Variants in FKBP1A observed in about 807,000 individuals in gnomAD.
The protein encoded by FKBP1A is peptidyl-prolyl cis-trans isomerase FKBP1A.
A neutral mutation model predicts 14.2 loss-of-function variants in FKBP1A; 5 were observed. That is an observed-to-expected ratio of 0.35 (90% CI 0.18 to 0.74). The LOEUF is 0.74. Among genes scored for constraint, FKBP1A ranks in the 30% least tolerant of loss-of-function variants. The pLI is 0.56. For missense variants in FKBP1A, 53 were observed against 138.8 expected (o/e 0.38, Z 3.10); for synonymous variants, 42 against 49.1 (o/e 0.86, Z 0.60).
chr20:1,372,021 A>G (rs761318984), intron 4 of FKBP1A, 55 bp downstream of exon 4: 7 of 1,571,650 alleles, frequency 4.5e-6, no homozygotes, highest in East Asian at 2.2e-5. Context: ...AACGCTGGGC[A>G]TAACATGGGA....
intron 2 of FKBP1A, chr20:1,378,768 AC>A (rs2089583402): frequency 6.6e-6 from 1 of 152,218 alleles, no homozygotes; most frequent in Non-Finnish European, 1.5e-5. Context: ...AGCCAAATGA[AC>A]ACAACTGGCG....
chr20:1,390,777 TCGAAAACAG>T (rs2089726662), intron 2 of FKBP1A, among the ~76,000 whole-genome samples: 1 of 152,178 alleles, frequency 6.6e-6, no homozygotes, highest in East Asian at 1.9e-4. Context: ...ACCAGCCTGC[TCGAAAACAG>T]TCTATTCTGT....
rs2089596829 is a variant in FKBP1A, at chr20:1,379,830, G to A, written c.86-4227C>T. On this transcript the variant is annotated intron_variant, in intron 2 of 4. Coordinates refer to ENST00000400137, the MANE Select transcript of FKBP1A (RefSeq NM_000801.5). This position sits in a 1 kb window ranked among gnomAD's most constrained non-coding sequence, Gnocchi z 4.3. ...AGTGGGTGTCACACAACTGGCACAA[G>A]CTACAGGACAAGGAGAAGGAGGGCT... 6.6e-6 allele frequency among the ~76,000 whole-genome samples: 1 copy of A among 152,198 alleles called. No individual in the cohort carries two copies. The highest frequency in any genetic ancestry group is 6.5e-5 in the Admixed American group (1 of 15,284).
intron 3 of FKBP1A, among the ~76,000 whole-genome samples, chr20:1,374,889 C>T (rs1418405995): frequency 2.6e-5 from 4 of 152,194 alleles, no homozygotes; most frequent in East Asian, 1.9e-4. Flanking sequence ...CAGGCTGGAG[C>T]GCAATGGCAC....
chr20:1,391,534 T>C (rs1261903730), intron 2 of FKBP1A: 1 of 396,528 alleles, frequency 2.5e-6, no homozygotes, highest in Non-Finnish European at 4.4e-6. Flanking sequence ...TTCTACCTCC[T>C]GCCCCCATTT....
intron 2 of FKBP1A, among the ~76,000 whole-genome samples, chr20:1,389,434 G>A (rs2089707419): frequency 6.6e-6 from 1 of 152,150 alleles, no homozygotes; most frequent in African/African-American, 2.4e-5. Context: ...ACCTAGCAAG[G>A]GAGTGGATGG....
At chr20:1,376,361 A>G (rs951314368) in intron 2 of FKBP1A, among the ~76,000 whole-genome samples, 2 of 152,232 alleles carry the variant, frequency 1.3e-5, no homozygotes, top group African/African-American at 4.8e-5. Context: ...GAAATGAAAG[A>G]AAGAATTTGT....
intron 2 of FKBP1A, among the ~76,000 whole-genome samples, chr20:1,391,401 G>GCT (rs1355224101): frequency 6.6e-6 from 1 of 152,212 alleles, no homozygotes; most frequent in African/African-American, 2.4e-5. Flanking sequence ...TACAAGGACA[G>GCT]CTATCTAAAA....
chr20:1,371,759 A>G, intron 4 of FKBP1A: 1 of 1,031,324 alleles, frequency 9.7e-7, no homozygotes, highest in South Asian at 4.3e-5. Context: ...AAATGTTGGC[A>G]CTACAAATTT....
In FKBP1A at chr20:1,379,487, T is replaced by G. The variant is rs1436567329; in HGVS notation, c.86-3884A>C. Among the ~76,000 whole-genome samples the G allele has an allele frequency of 6.6e-6, 1 of 152,174 alleles. No individual in the cohort carries two copies. The highest frequency in any genetic ancestry group is 1.5e-5 in the Non-Finnish European group (1 of 68,024). On this transcript the variant is annotated intron_variant, in intron 2 of 4. Coordinates refer to ENST00000400137, the MANE Select transcript of FKBP1A (RefSeq NM_000801.5). The surrounding 1 kb of genome is among the most constrained non-coding windows in gnomAD (Gnocchi z 4.3). Reference sequence around the variant, plus strand: ...AGGGGCAAACCTCTCCCTAGTATCTTAAAACCATAAAAGCCAGGAAGCAGG... The same window carrying G: ...AGGGGCAAACCTCTCCCTAGTATCTGAAAACCATAAAAGCCAGGAAGCAGG...
intron 3 of FKBP1A, among the ~76,000 whole-genome samples, chr20:1,374,178 A>T (rs550743799): frequency 6.6e-6 from 1 of 152,216 alleles, no homozygotes; most frequent in Non-Finnish European, 1.5e-5. Context: ...CTTGGGTCTC[A>T]GGTCACTGAA....
chr20:1,370,611 T>C (rs1317004318), intron 4 of FKBP1A: 1 of 985,316 alleles, frequency 1.0e-6, no homozygotes, highest in Non-Finnish European at 1.2e-6. Flanking sequence ...TTCACTCAAC[T>C]TAAAACTTTC....
intron 2 of FKBP1A, chr20:1,377,419 G>A (rs2089560339): frequency 6.6e-6 from 1 of 152,264 alleles, no homozygotes; most frequent in Non-Finnish European, 1.5e-5. Context: ...CAGGAGGGTG[G>A]GGACCGGTAC....
intron 2 of FKBP1A, among the ~76,000 whole-genome samples, chr20:1,389,079 GA>G (rs1363222097): frequency 6.6e-6 from 1 of 151,984 alleles, no homozygotes; most frequent in African/African-American, 2.4e-5. Context: ...TCACCCTCAC[GA>G]AAAGCAGCCA....
intron 2 of FKBP1A, among the ~76,000 whole-genome samples, chr20:1,389,450 A>C (rs1286329843): frequency 2.0e-5 from 3 of 152,200 alleles, no homozygotes; most frequent in Non-Finnish European, 4.4e-5. Flanking sequence ...GATGGAATAA[A>C]GCAGAGGAGA....
chr20:1,387,640 G>T (rs1456974519), intron 2 of FKBP1A, among the ~76,000 whole-genome samples: 1 of 152,150 alleles, frequency 6.6e-6, no homozygotes, highest in African/African-American at 2.4e-5. Context: ...GAGGCCAGGA[G>T]TTTGAGACTA....
At position 1,369,394 on chromosome 20, in the gene FKBP1A, G is replaced by C. The variant is rs1274841667; in HGVS notation, c.*715C>G. The C allele has an allele frequency of 6.3e-6, 1 of 159,940 alleles. No individual in the cohort carries two copies. The highest frequency in any genetic ancestry group is 2.6e-5 in the African/African-American group (1 of 38,760). The allele number at this position is 159,940 out of a possible 1,614,324, so 9.9% of individuals were successfully genotyped here. On this transcript the variant is annotated 3_prime_UTR_variant, in exon 5 of 5. Coordinates refer to ENST00000400137, the MANE Select transcript of FKBP1A (RefSeq NM_000801.5). Reference sequence around the variant, plus strand: ...AAACCACAGGATGAAAAAAAAAAAAGGCCACAAAGAAGGCTTCAGAGGTCC... The same window carrying C: ...AAACCACAGGATGAAAAAAAAAAAACGCCACAAAGAAGGCTTCAGAGGTCC...
intron 4 of FKBP1A, chr20:1,370,459 A>G (rs2089448996): frequency 1.0e-6 from 1 of 973,880 alleles, no homozygotes; most frequent in Non-Finnish European, 1.2e-6. Flanking sequence ...CATGATTATG[A>G]TTAACTGGTT....
intron 2 of FKBP1A, among the ~76,000 whole-genome samples, chr20:1,385,607 T>C (rs1299609698): frequency 6.6e-6 from 1 of 151,894 alleles, no homozygotes; most frequent in African/African-American, 2.4e-5. Context: ...GCTGAAAAAC[T>C]CCTGTGACTC....
Sources: gnomAD v4.1 joint callset for allele counts (sites outside exome capture counted in the v4.1 genomes callset) on GRCh38, gnomAD v4.1.1 for gene constraint, Gnocchi (gnomAD v3.1) non-coding constraint, MANE v1.5 for transcripts, NCBI Gene and HGNC (gene_info 2026-07-23, HGNC 2026-07-21) for gene names.